Variants in STARD13 observed in about 807,000 individuals in gnomAD.
The protein encoded by STARD13 is StAR related lipid transfer domain containing 13.
Under a neutral mutation model 106.4 loss-of-function variants are expected in STARD13, and 62 were observed. The ratio of observed to expected loss-of-function variants is 0.58; its 90% CI spans 0.48 to 0.72. The LOEUF is 0.72. Among genes scored for constraint, STARD13 ranks in the 30% least tolerant of loss-of-function variants. The pLI is 0.00. For missense variants in STARD13, 1,387 were observed against 1,424.0 expected, an observed-to-expected ratio of 0.97 and a Z score of 0.42; for synonymous variants, 565 against 553.0, an observed-to-expected ratio of 1.02 and a Z score of -0.31.
the STARD13 span, among the ~76,000 whole-genome samples, chr13:33,407,832 A>G: frequency 7.2e-5 from 11 of 152,220 alleles, no homozygotes; most frequent in African/African-American, 2.4e-4. Flanking sequence ...GCGAGGAACC[A>G]TTGTCAGAAA....
chr13:33,551,679 A>G, the STARD13 span, among the ~76,000 whole-genome samples: 1 of 129,974 alleles, frequency 7.7e-6, no homozygotes, highest in Admixed American at 9.5e-5. Flanking sequence ...GCTCCAAGCA[A>G]CCTCCACCTC....
At chr13:33,274,819 T>G (rs1891338479) in intron 1 of STARD13, among the ~76,000 whole-genome samples, 1 of 152,150 alleles carries the variant, frequency 6.6e-6, no homozygotes, top group Non-Finnish European at 1.5e-5. Flanking sequence ...GAATACAGTT[T>G]TAAACCCAAA....
At chr13:33,132,719 T>A (rs1275072607) in intron 4 of STARD13, among the ~76,000 whole-genome samples, 1 of 151,976 alleles carries the variant, frequency 6.6e-6, no homozygotes, top group Non-Finnish European at 1.5e-5. Flanking sequence ...CAAAAAAGAA[T>A]CCTACAGCTT....
chr13:33,480,828 A>G, the STARD13 span, among the ~76,000 whole-genome samples: 6 of 152,178 alleles, frequency 3.9e-5, no homozygotes, highest in Non-Finnish European at 5.9e-5. Context: ...TGGAGAAATG[A>G]CTAATTTCAG....
chr13:33,104,983 A>G lies in STARD13; in HGVS notation c.*610T>C, dbSNP rs1873509460. 1 of 152,964 alleles carries G rather than the reference A, an allele frequency of 6.5e-6. No homozygotes were observed. The highest frequency in any genetic ancestry group is 1.5e-5 in the Non-Finnish European group (1 of 68,034). 9.5% of individuals were successfully genotyped at this position (152,964 alleles called of 1,614,324 possible). On this transcript the variant is annotated 3_prime_UTR_variant, in exon 14 of 14. Transcript: ENST00000336934. The stretch of plus-strand genomic sequence containing the variant: ...TTTGAATAGCAGAAACAAAGCGTTA[A>G]CACATAAGTCTCCTTTAATGTTATT...
the STARD13 span, among the ~76,000 whole-genome samples, chr13:33,402,897 A>G: frequency 4.6e-5 from 7 of 152,010 alleles, no homozygotes; most frequent in Non-Finnish European, 8.8e-5. Flanking sequence ...CACTTCCACC[A>G]CTCAATAAAA....
intron 1 of STARD13, among the ~76,000 whole-genome samples, chr13:33,261,335 C>T (rs1488559404): frequency 6.6e-6 from 1 of 152,154 alleles, no homozygotes; most frequent in East Asian, 1.9e-4. Flanking sequence ...ACCTGGCCCC[C>T]AAATGTCGAT....
the STARD13 span, among the ~76,000 whole-genome samples, chr13:33,577,351 T>C: frequency 0.09 from 13,688 of 152,200 alleles, 776 homozygotes; most frequent in East Asian, 0.28. Context: ...TAGCATAGTA[T>C]AAAATTCCAT....
At chr13:33,294,552 T>A (rs551212722) in intron 1 of STARD13, among the ~76,000 whole-genome samples, 1 of 152,360 alleles carries the variant, frequency 6.6e-6, no homozygotes, top group African/African-American at 2.4e-5. Flanking sequence ...ATGCTCATAC[T>A]TATCTCTTTA....
chr13:33,204,200 A>G (rs977965732), intron 1 of STARD13, among the ~76,000 whole-genome samples: 1 of 152,228 alleles, frequency 6.6e-6, no homozygotes, highest in Admixed American at 6.5e-5. Flanking sequence ...ACATGTCAGC[A>G]TGTGTCAGCA....
At chr13:33,223,527 T>C (rs1888463852) in intron 1 of STARD13, among the ~76,000 whole-genome samples, 1 of 151,836 alleles carries the variant, frequency 6.6e-6, no homozygotes, top group Non-Finnish European at 1.5e-5. Flanking sequence ...GGTGAGGTGG[T>C]GGGTGCCTGT....
intron 1 of STARD13, among the ~76,000 whole-genome samples, chr13:33,168,816 T>C (rs1883620235): frequency 6.6e-6 from 1 of 152,230 alleles, no homozygotes. Flanking sequence ...GCCAGAGCTA[T>C]TTGGTATATG....
At chr13:33,518,864 C>G in the STARD13 span, among the ~76,000 whole-genome samples, 4 of 110,746 alleles carry the variant, frequency 3.6e-5, no homozygotes, top group East Asian at 9.8e-4. Context: ...TGAACCAAAT[C>G]TATTTCTACC....
intron 1 of STARD13, among the ~76,000 whole-genome samples, chr13:33,211,503 C>T (rs544892506): frequency 1.1e-4 from 17 of 152,130 alleles, no homozygotes; most frequent in Admixed American, 3.9e-4. Flanking sequence ...GGATTGGTTC[C>T]AGGATCCCCA....
chr13:33,350,151 C>G (rs1594295014), intron 1 of STARD13: 1 of 1,222,956 alleles, frequency 8.2e-7, no homozygotes, highest in Non-Finnish European at 1.0e-6. Flanking sequence ...GGGTGGTGCC[C>G]GCAGCCCGCT....
the STARD13 span, among the ~76,000 whole-genome samples, chr13:33,423,419 G>C: frequency 6.6e-6 from 1 of 152,146 alleles, no homozygotes; most frequent in Non-Finnish European, 1.5e-5. Context: ...AGTTAGAATG[G>C]CAATCATTAA....
the STARD13 span, among the ~76,000 whole-genome samples, chr13:33,526,956 T>G: frequency 6.6e-6 from 1 of 152,142 alleles, no homozygotes; most frequent in African/African-American, 2.4e-5. Flanking sequence ...GTGTTGTTTT[T>G]AGAACCATTA....
chr13:33,616,880 A>C, the STARD13 span, among the ~76,000 whole-genome samples: 1 of 152,164 alleles, frequency 6.6e-6, no homozygotes, highest in African/African-American at 2.4e-5. Flanking sequence ...GGTCGGGAAA[A>C]GTTTCCTCAA....
At chr13:33,608,957 G>A in the STARD13 span, among the ~76,000 whole-genome samples, 4 of 151,466 alleles carry the variant, frequency 2.6e-5, no homozygotes, top group African/African-American at 9.7e-5. Flanking sequence ...GTGGTGGCGG[G>A]CGCCTGTAGT....
Sources: allele counts gnomAD v4.1 joint callset (sites outside exome capture counted in the v4.1 genomes callset), GRCh38; gene constraint gnomAD v4.1.1; transcripts MANE v1.5; gene names NCBI Gene and HGNC (gene_info 2026-07-23, HGNC 2026-07-21).